Variants in CDH18 observed in about 807,000 individuals in gnomAD.
CDH18 encodes the protein cadherin-18.
In CDH18, 31 loss-of-function variants were observed where a neutral mutation model predicts 67.9. That is an observed-to-expected ratio of 0.46 (90% CI 0.34 to 0.62). CDH18 has a LOEUF of 0.62. Among genes scored for constraint, CDH18 ranks in the 20% least tolerant of loss-of-function variants. CDH18 has a pLI of 0.01. For missense variants in CDH18, 890 were observed against 975.5 expected (o/e 0.91, Z 1.17); for synonymous variants, 362 against 347.2 (o/e 1.04, Z -0.48).
chr5:19,937,459 T>G (rs1383247233), intron 2 of CDH18, among the ~76,000 whole-genome samples: 1 of 151,338 alleles, frequency 6.6e-6, no homozygotes, highest in Non-Finnish European at 1.5e-5. Context: ...AAACAGAAAC[T>G]CTAAGTAATA....
intron 2 of CDH18, among the ~76,000 whole-genome samples, chr5:20,003,254 T>A (rs1173823817): frequency 6.6e-6 from 1 of 152,168 alleles, no homozygotes; most frequent in Non-Finnish European, 1.5e-5. Context: ...CTGCAAACTT[T>A]ATTAAAATTG....
chr5:20,179,990 G>T (rs929148953), intron 2 of CDH18, among the ~76,000 whole-genome samples: 2 of 152,022 alleles, frequency 1.3e-5, no homozygotes, highest in African/African-American at 2.4e-5. Context: ...CTATTGCTAT[G>T]GAATAAAATA....
At chr5:19,873,683 T>C (rs1786590623) in intron 2 of CDH18, among the ~76,000 whole-genome samples, 1 of 152,198 alleles carries the variant, frequency 6.6e-6, no homozygotes, top group African/African-American at 2.4e-5. Flanking sequence ...AGTCTTGCTT[T>C]GTCGCCCAGG....
chr5:20,524,505 A>G (rs1755927206), intron 1 of CDH18, among the ~76,000 whole-genome samples: 1 of 152,152 alleles, frequency 6.6e-6, no homozygotes, highest in Non-Finnish European at 1.5e-5. Context: ...TAATATGTGT[A>G]CATTATCATT....
chr5:19,709,815 A>C (rs192975566), intron 5 of CDH18, among the ~76,000 whole-genome samples: 1 of 152,282 alleles, frequency 6.6e-6, no homozygotes, highest in African/African-American at 2.4e-5. Context: ...AGATTTTAAC[A>C]ATAATAGAAA....
chr5:19,620,817 C>A (rs1750576344), intron 5 of CDH18, among the ~76,000 whole-genome samples: 1 of 151,962 alleles, frequency 6.6e-6, no homozygotes. Flanking sequence ...CATAGGGCTG[C>A]CCAGGGATTC....
chr5:20,198,699 ATG>A (rs1739192893), intron 2 of CDH18, among the ~76,000 whole-genome samples: 1 of 152,156 alleles, frequency 6.6e-6, no homozygotes, highest in Admixed American at 6.5e-5. Context: ...TCTCCAGGGC[ATG>A]TCAGAGGCCT....
intron 5 of CDH18, among the ~76,000 whole-genome samples, chr5:19,663,827 C>A (rs1182052910): frequency 2.0e-5 from 3 of 151,300 alleles, no homozygotes; most frequent in African/African-American, 7.3e-5. Flanking sequence ...GGAATTATTT[C>A]TTTGGGGAAA....
At chr5:19,718,521 A>G (rs1216285197) in intron 5 of CDH18, among the ~76,000 whole-genome samples, 1 of 152,128 alleles carries the variant, frequency 6.6e-6, no homozygotes, top group South Asian at 2.1e-4. Context: ...TAACAGCATC[A>G]TAATTGGGTT....
chr5:19,903,566 T>TATATATATATATATATATATATATA (rs61210220), intron 2 of CDH18, among the ~76,000 whole-genome samples: 15 of 139,600 alleles, frequency 1.1e-4, no homozygotes, highest in Non-Finnish European at 1.9e-4. Flanking sequence ...TATATATATA[T>TATATATATATATATATATATATATA]TTGTTGAGCC....
chr5:19,795,806 T>G (rs1305439022), intron 3 of CDH18, among the ~76,000 whole-genome samples: 4 of 152,182 alleles, frequency 2.6e-5, no homozygotes, highest in Non-Finnish European at 5.9e-5. Context: ...GGTTTAAAAG[T>G]AGCTTTTATA....
Position 20,158,488 on chromosome 5 carries a change from A to T in CDH18, c.-518+96956T>A, listed in dbSNP as rs575375346. On this transcript the variant is annotated intron_variant, in intron 2 of 14. Coordinates refer to the CDH18 transcript ENST00000507958. Reference sequence around the variant, plus strand: ...AAGGCTTTGAATTTTTCAGTAAAATAGCTTATTACATTAATTTAATAATCG... The same window carrying T: ...AAGGCTTTGAATTTTTCAGTAAAATTGCTTATTACATTAATTTAATAATCG... Among the ~76,000 whole-genome samples the T allele has an allele frequency of 8.7e-4, 133 of 152,300 alleles. 1 individual carries two copies. The South Asian group carries it at 0.027, about 31-fold the overall frequency.
At chr5:20,303,621 G>A (rs1475048404) in intron 1 of CDH18, among the ~76,000 whole-genome samples, 1 of 152,106 alleles carries the variant, frequency 6.6e-6, no homozygotes, top group Non-Finnish European at 1.5e-5. Flanking sequence ...GCCCACCGGA[G>A]AGAAGCATAC....
intron 2 of CDH18, among the ~76,000 whole-genome samples, chr5:20,149,950 T>C (rs1379690972): frequency 6.6e-6 from 1 of 152,102 alleles, no homozygotes; most frequent in Admixed American, 6.6e-5. Context: ...CCTAATATCC[T>C]TAATGCAATT....
intron 2 of CDH18, among the ~76,000 whole-genome samples, chr5:19,921,630 A>G (rs1177672848): frequency 6.6e-6 from 1 of 152,130 alleles, no homozygotes; most frequent in Non-Finnish European, 1.5e-5. Context: ...TAAATCCTGT[A>G]AAAACGAGGA....
At chr5:19,810,796 T>G (rs62355784) in intron 3 of CDH18, among the ~76,000 whole-genome samples, 13,428 of 151,826 alleles carry the variant, frequency 0.088, 599 homozygotes, top group African/African-American at 0.1. Flanking sequence ...TCTGAGGCTG[T>G]TGGATCACTT....
intron 2 of CDH18, among the ~76,000 whole-genome samples, chr5:19,893,364 A>G (rs1788975034): frequency 6.6e-6 from 1 of 152,192 alleles, no homozygotes; most frequent in Admixed American, 6.6e-5. Context: ...TTAGTACCAT[A>G]GTGAGAAAAG....
intron 3 of CDH18, among the ~76,000 whole-genome samples, chr5:19,813,092 A>G (rs1243331721): frequency 2.0e-5 from 3 of 152,144 alleles, no homozygotes; most frequent in Non-Finnish European, 2.9e-5. Context: ...TTGAACAATG[A>G]GAACACATGG....
At chr5:20,246,602 T>C (rs1186893158) in intron 2 of CDH18, among the ~76,000 whole-genome samples, 1 of 74,740 alleles carries the variant, frequency 1.3e-5, no homozygotes, top group Non-Finnish European at 2.5e-5. Context: ...TGATAATGTA[T>C]TAATAATTAA....
Sources: gnomAD v4.1 joint callset for allele counts (sites outside exome capture counted in the v4.1 genomes callset) on GRCh38, gnomAD v4.1.1 for gene constraint, MANE v1.5 for transcripts, NCBI Gene and HGNC (gene_info 2026-07-23, HGNC 2026-07-21) for gene names.